GSN: variants seen among roughly 807,000 people sequenced by gnomAD.
GSN encodes the protein gelsolin, also known as actin-depolymerizing factor.
GSN carries 56 observed loss-of-function variants against 85.7 expected under a neutral mutation model. The observed-to-expected ratio is 0.65, with a 90% CI of 0.53 to 0.82. The LOEUF (loss-of-function observed/expected upper bound fraction) is 0.82. Ranked by LOEUF, GSN falls within the 40% of genes least tolerant of loss-of-function variation. The pLI is 0.00. For synonymous variants in GSN, 373 were observed against 399.1 expected (o/e 0.93, Z 0.78); for missense variants, 857 against 979.8 (o/e 0.87, Z 1.67).
At chr9:121,322,398 A>G (rs1181701704) in intron 11 of GSN, among the ~76,000 whole-genome samples, 1 of 152,202 alleles carries the variant, frequency 6.6e-6, no homozygotes, top group Non-Finnish European at 1.5e-5. Context: ...CAGTTGCATA[A>G]TAGTCCTTTG....
chr9:121,299,012 G>C lies in GSN; in HGVS notation c.-9-2951G>C, dbSNP rs77268075. 9.5e-4 allele frequency among the ~76,000 whole-genome samples: 145 copies of C among 152,286 alleles called. 1 individual carries two copies. The East Asian group carries it at 0.028, about 29-fold the overall frequency. On this transcript the variant is annotated intron_variant, in intron 2 of 17. Coordinates refer to ENST00000432226, the MANE Select transcript of GSN (RefSeq NM_198252.3). The surrounding 1 kb of genome is among the most constrained non-coding windows in gnomAD (Gnocchi z 4.2). ...ACAAAACAACTTCAGGAAGTAACAA[G>C]GGCTTGCTTAGAGACATGACGGTAA...
intron 6 of GSN, among the ~76,000 whole-genome samples, chr9:121,250,503 G>A (rs560249961): frequency 2.0e-5 from 3 of 151,514 alleles, no homozygotes; most frequent in South Asian, 2.1e-4. Context: ...GCGCCCAGCC[G>A]ATCTTTCCCT....
At chr9:121,281,621 G>A (rs776765202) in intron 2 of GSN, 59 bp downstream of exon 2, 40 of 471,120 alleles carry the variant, frequency 8.5e-5, no homozygotes, top group South Asian at 6.0e-4. Context: ...GCTGCCCAGG[G>A]AAGCCTGGAG....
chr9:121,242,414 G>A (rs959358737), intron 5 of GSN, among the ~76,000 whole-genome samples: 4 of 152,066 alleles, frequency 2.6e-5, no homozygotes, highest in African/African-American at 7.2e-5. Context: ...TTTAACCTTG[G>A]TGACTCACAG....
intron 5 of GSN, chr9:121,238,973 T>C: frequency 1.9e-6 from 1 of 530,160 alleles, no homozygotes; most frequent in African/African-American, 1.9e-5. Flanking sequence ...GGCAGCACAT[T>C]GATAGGTGGG....
At chr9:121,278,255 T>C (rs2056906636) in intron 1 of GSN, among the ~76,000 whole-genome samples, 1 of 152,172 alleles carries the variant, frequency 6.6e-6, no homozygotes, top group Admixed American at 6.5e-5. Context: ...GGTAGAGTTA[T>C]TGCAATGATG....
intron 2 of GSN, among the ~76,000 whole-genome samples, chr9:121,291,101 C>G (rs938746791): frequency 1.3e-5 from 2 of 151,770 alleles, no homozygotes; most frequent in Non-Finnish European, 1.5e-5. Context: ...ATTTTAAAAA[C>G]AGTGCAGTGT....
chr9:121,273,907 A>C (rs903966685), intron 1 of GSN, among the ~76,000 whole-genome samples: 4 of 152,232 alleles, frequency 2.6e-5, no homozygotes, highest in African/African-American at 4.8e-5. Flanking sequence ...CAAAGAACCA[A>C]GACTGGGGCT....
chr9:121,331,509 T>G lies in GSN; in HGVS notation c.2026+61T>G, dbSNP rs980548882. ...TCCGTTGCTTGTGGGGTGCTGGGAG[T>G]GGCTCCTGTACAGGTCTGGGAATGA... On this transcript the variant is annotated intron_variant, in intron 17 of 17. Coordinates refer to ENST00000432226, the MANE Select transcript of GSN (RefSeq NM_198252.3). The G allele has an allele frequency of 5.1e-6, 5 of 982,516 alleles. No individual in the cohort carries two copies. In the African/African-American group the frequency reaches 8.0e-5, roughly 16 times the overall value. The allele number at this position is 982,516 out of a possible 1,614,324, so 60.9% of individuals were successfully genotyped here. A position where few individuals can be genotyped will look rare whatever the true frequency, so the allele number is the denominator to read the frequency against.
chr9:121,235,534 G>A (rs1003426828), intron 5 of GSN, among the ~76,000 whole-genome samples: 1 of 152,342 alleles, frequency 6.6e-6, no homozygotes, highest in Middle Eastern at 3.4e-3. Flanking sequence ...CTAAGCTCCT[G>A]TAATAAAAAG....
In GSN at chr9:121,268,193, C is replaced by A. The variant is rs1174517790; in HGVS notation, c.-129C>A. The A allele has an allele frequency of 6.6e-6, 1 of 152,096 alleles. No individual in the cohort carries two copies. The highest frequency in any genetic ancestry group is 1.5e-5 in the Non-Finnish European group (1 of 68,040). 9.4% of individuals were successfully genotyped at this position (152,096 alleles called of 1,614,324 possible). On this transcript the variant is annotated 5_prime_UTR_variant, in exon 1 of 18. Transcript: ENST00000432226. ...AGCTGAGCGCAGCTGGACCCAGCAG[C>A]CGCTGTCTCCAGTGCCGCAGCAGCA...
chr9:121,212,645 C>CTT (rs765703897), intron 4 of GSN, among the ~76,000 whole-genome samples: 8 of 141,980 alleles, frequency 5.6e-5, no homozygotes, highest in Admixed American at 4.2e-4. Context: ...ACTCCTTGGC[C>CTT]TTTTTTTTTT....
At chr9:121,258,896 C>A (rs1489761914) in intron 6 of GSN, among the ~76,000 whole-genome samples, 1 of 152,176 alleles carries the variant, frequency 6.6e-6, no homozygotes, top group Non-Finnish European at 1.5e-5. Flanking sequence ...TCTCTTTATT[C>A]ATTTCATTCA....
intron 4 of GSN, among the ~76,000 whole-genome samples, chr9:121,215,976 G>C (rs946502462): frequency 1.3e-5 from 2 of 151,912 alleles, no homozygotes; most frequent in African/African-American, 4.8e-5. Context: ...GGACTGAAAG[G>C]CTCTTAGGCC....
At chr9:121,296,497 G>C (rs1215658946) in intron 2 of GSN, among the ~76,000 whole-genome samples, 2 of 152,172 alleles carry the variant, frequency 1.3e-5, no homozygotes, top group Non-Finnish European at 2.9e-5. Flanking sequence ...GGATTTGGTT[G>C]TACAACCAGT....
chr9:121,214,574 G>A lies in GSN; in HGVS notation c.-528+3707G>A, dbSNP rs185740645. ...CTCTTTCATGAAGTAAGGAATGACTGTTTCTAAGAACAAAGAGGGATAAGC... is the reference window on the plus strand; with the variant it reads ...CTCTTTCATGAAGTAAGGAATGACTATTTCTAAGAACAAAGAGGGATAAGC... On this transcript the variant is annotated intron_variant, in intron 4 of 24. Transcript: ENST00000373823. Among the ~76,000 whole-genome samples the A allele has an allele frequency of 1.6e-3, 239 of 152,298 alleles. 1 individual carries two copies. The highest frequency in any genetic ancestry group is 0.01 in the South Asian group (49 of 4,830).
intron 2 of GSN, chr9:121,285,594 C>T (rs936950090): frequency 6.4e-6 from 1 of 157,304 alleles, no homozygotes; most frequent in African/African-American, 2.4e-5. Flanking sequence ...CTTTATTTTA[C>T]AGCTGAGGAA....
At chr9:121,307,524 G>A (rs2060541944) in intron 4 of GSN, among the ~76,000 whole-genome samples, 1 of 152,192 alleles carries the variant, frequency 6.6e-6, no homozygotes, top group African/African-American at 2.4e-5. Flanking sequence ...GGGGGATCTT[G>A]GGGATAGAAC....
chr9:121,293,369 C>T (rs1042803965), intron 2 of GSN, among the ~76,000 whole-genome samples: 2 of 151,864 alleles, frequency 1.3e-5, no homozygotes, highest in African/African-American at 4.8e-5. Context: ...AGCTCATTAT[C>T]TCTCTGGAAA....
Sources: allele counts gnomAD v4.1 joint callset (sites outside exome capture counted in the v4.1 genomes callset), GRCh38; gene constraint gnomAD v4.1.1; non-coding constraint Gnocchi (gnomAD v3.1); transcripts MANE v1.5; gene names NCBI Gene and HGNC (gene_info 2026-07-23, HGNC 2026-07-21).